Variants in RPH3A observed in about 807,000 individuals in gnomAD.
RPH3A encodes the protein rabphilin-3A.
Under a neutral mutation model 102.2 loss-of-function variants are expected in RPH3A, and 48 were observed. The observed-to-expected ratio is 0.47, with a 90% CI of 0.37 to 0.60. The LOEUF (loss-of-function observed/expected upper bound fraction) is 0.60. RPH3A is among the 20% of genes least tolerant of loss of function. The probability of loss-of-function intolerance (pLI) is 0.00; values close to 1 mark genes in which losing one functional copy is unlikely to be tolerated. For missense variants in RPH3A, 781 were observed against 910.1 expected, an observed-to-expected ratio of 0.86 and a Z score of 1.83; for synonymous variants, 310 against 324.3, an observed-to-expected ratio of 0.96 and a Z score of 0.47.
intron 2 of RPH3A, among the ~76,000 whole-genome samples, chr12:112,814,139 G>A (rs995396773): frequency 1.3e-5 from 2 of 151,982 alleles, no homozygotes; most frequent in African/African-American, 2.4e-5. Flanking sequence ...GTGTGTGTAT[G>A]TGCGTGTGTT....
chr12:112,686,415 C>G (rs2040264739), intron 1 of RPH3A, among the ~76,000 whole-genome samples: 1 of 152,280 alleles, frequency 6.6e-6, no homozygotes, highest in African/African-American at 2.4e-5. Context: ...TCAGGGTCAT[C>G]CATGTGGCTT....
intron 2 of RPH3A, among the ~76,000 whole-genome samples, chr12:112,810,771 G>C (rs777552472): frequency 5.9e-5 from 9 of 151,976 alleles, no homozygotes; most frequent in African/African-American, 9.7e-5. Context: ...AAATAAAATA[G>C]ATAACAGCCT....
At chr12:112,639,877 T>C (rs569697098) in intron 1 of RPH3A, among the ~76,000 whole-genome samples, 1 of 152,174 alleles carries the variant, frequency 6.6e-6, no homozygotes, top group African/African-American at 2.4e-5. Context: ...TGCTAAGTCA[T>C]GTGCCAGGCA....
In RPH3A at chr12:112,890,858, C is replaced by T. The variant is rs200351371; in HGVS notation, c.1630C>T (p.Arg544Cys). The T allele has an allele frequency of 1.2e-4, 200 of 1,613,518 alleles. 1 individual carries two copies. The East Asian group carries it at 4.1e-3, about 33-fold the overall frequency. ...TTTTCCCCCAATGCAGCAGGTGGAG[C>T]GTGTTGGTGACATCGAGGAGCGTGG... is the stretch of plus-strand genomic sequence containing the variant. ...MALYEEEQVE[R>C]VGDIEERGKI... The change falls in exon 19 of 22, where the codon CGT (arginine) becomes TGT (cysteine). Residue 544 changes from arginine to cysteine, a missense_variant. Physicochemically the swap from Arg to Cys is radical, Grantham distance 180. Around this residue, in one of 2 missense-constraint regions of RPH3A, gnomAD observed 730 missense variants for 810.0 expected, o/e 0.90. Coordinates refer to ENST00000389385, the MANE Select transcript of RPH3A (RefSeq NM_001143854.2).
At chr12:112,579,786 G>A (rs1003204918) in intron 1 of RPH3A, among the ~76,000 whole-genome samples, 2 of 152,152 alleles carry the variant, frequency 1.3e-5, no homozygotes, top group Non-Finnish European at 2.9e-5. Context: ...CTCTAGTGCA[G>A]TGGTGTGATC....
chr12:112,876,913 A>G lies in RPH3A; in HGVS notation c.1171+47A>G, dbSNP rs1475369209. 3 of 1,443,644 alleles carry G rather than the reference A, an allele frequency of 2.1e-6. No homozygotes were observed. In the African/African-American group the frequency reaches 4.2e-5, roughly 20 times the overall value. The allele number at this position is 1,443,644 out of a possible 1,614,324, so 89.4% of individuals were successfully genotyped here. On this transcript the variant is annotated intron_variant, in intron 13 of 21. Coordinates refer to ENST00000389385, the MANE Select transcript of RPH3A (RefSeq NM_001143854.2). ...GGTATCTTGGAAAAATCACTTCAGGAGCCAAGCCCAGGAAAACAGGAACGG... is the reference window on the plus strand; with the variant it reads ...GGTATCTTGGAAAAATCACTTCAGGGGCCAAGCCCAGGAAAACAGGAACGG...
intron 2 of RPH3A, among the ~76,000 whole-genome samples, chr12:112,823,374 T>G (rs886538966): frequency 2.6e-5 from 4 of 152,310 alleles, no homozygotes; most frequent in African/African-American, 9.6e-5. Flanking sequence ...TTCTTACCTG[T>G]AAAATGAGGA....
intron 1 of RPH3A, among the ~76,000 whole-genome samples, chr12:112,766,251 A>G (rs1261481114): frequency 6.6e-6 from 1 of 152,030 alleles, no homozygotes; most frequent in Non-Finnish European, 1.5e-5. Flanking sequence ...CAAATACCTC[A>G]TTTTCCTTAT....
chr12:112,810,964 TA>T (rs1179483531), intron 2 of RPH3A, among the ~76,000 whole-genome samples: 8 of 62,852 alleles, frequency 1.3e-4, no homozygotes, highest in Non-Finnish European at 3.8e-4. Flanking sequence ...TGTGTGTACA[TA>T]TATGTGTGTG....
chr12:112,691,268 TC>T (rs1035800156), intron 1 of RPH3A, among the ~76,000 whole-genome samples: 17 of 152,162 alleles, frequency 1.1e-4, no homozygotes, highest in African/African-American at 3.9e-4. Flanking sequence ...CGCCTCGGCC[TC>T]CCAAAGTGCT....
At chr12:112,867,121 C>T (rs1459189759) in intron 7 of RPH3A, among the ~76,000 whole-genome samples, 2 of 151,788 alleles carry the variant, frequency 1.3e-5, no homozygotes, top group Non-Finnish European at 2.9e-5. Flanking sequence ...AACATCTTTC[C>T]TTTCTCTCTC....
chr12:112,699,745 T>C (rs546582610), intron 1 of RPH3A, among the ~76,000 whole-genome samples: 1 of 152,336 alleles, frequency 6.6e-6, no homozygotes, highest in East Asian at 1.9e-4. Flanking sequence ...CTGTTCGTTT[T>C]ATTGTATGCA....
chr12:112,704,131 C>T (rs1241003296), intron 1 of RPH3A, among the ~76,000 whole-genome samples: 6 of 151,738 alleles, frequency 4.0e-5, no homozygotes, highest in African/African-American at 1.5e-4. Flanking sequence ...CTCTGTTGCC[C>T]AGGCTGGAGT....
chr12:112,840,165 G>T (rs7315593), intron 4 of RPH3A, among the ~76,000 whole-genome samples: 67,367 of 151,740 alleles, frequency 0.44, 15,171 homozygotes, highest in Admixed American at 0.53. Context: ...AATGTTTGTC[G>T]CTTTTTTTCT....
chr12:112,768,597 C>A (rs2040907159), intron 1 of RPH3A, among the ~76,000 whole-genome samples: 1 of 152,202 alleles, frequency 6.6e-6, no homozygotes, highest in South Asian at 2.1e-4. Context: ...CTCATTGAGA[C>A]TTTCCCTGAC....
At chr12:112,868,842 A>G in intron 8 of RPH3A, 1 of 429,784 alleles carries the variant, frequency 2.3e-6, no homozygotes, top group Non-Finnish European at 4.1e-6. Flanking sequence ...CTGGTGGCAT[A>G]TCTAGTGTAC....
chr12:112,746,979 G>T (rs925662988), intron 1 of RPH3A, among the ~76,000 whole-genome samples: 1 of 152,194 alleles, frequency 6.6e-6, no homozygotes, highest in Non-Finnish European at 1.5e-5. Flanking sequence ...GGGAGTGGTT[G>T]TGTCTGTGCC....
chr12:112,800,061 C>G (rs185247135), intron 2 of RPH3A, among the ~76,000 whole-genome samples: 1 of 152,120 alleles, frequency 6.6e-6, no homozygotes, highest in Non-Finnish European at 1.5e-5. Context: ...CCCCTGAAGC[C>G]GACAGCCCAG....
chr12:112,580,394 CTTTTT>C (rs773931202), intron 1 of RPH3A, among the ~76,000 whole-genome samples: 4 of 76,958 alleles, frequency 5.2e-5, no homozygotes, highest in African/African-American at 1.6e-4. Context: ...TTTGTCTTGT[CTTTTT>C]TTTTTTTTTT....
Sources: allele counts gnomAD v4.1 joint callset (sites outside exome capture counted in the v4.1 genomes callset), GRCh38; gene constraint gnomAD v4.1.1; regional missense constraint gnomAD v4.1.1; transcripts MANE v1.5; gene names NCBI Gene and HGNC (gene_info 2026-07-23, HGNC 2026-07-21).